CDH8: variants seen among roughly 807,000 people sequenced by gnomAD.
The protein encoded by CDH8 is cadherin-8.
A neutral mutation model predicts 68.1 loss-of-function variants in CDH8; 17 were observed. The ratio of observed to expected loss-of-function variants is 0.25; its 90% CI spans 0.17 to 0.37. The LOEUF (loss-of-function observed/expected upper bound fraction) is 0.37, where lower values mean the gene tolerates loss of function less well. CDH8 is among the 10% of genes least tolerant of loss of function. The probability of loss-of-function intolerance (pLI) is 1.00; values close to 1 mark genes in which losing one functional copy is unlikely to be tolerated. For missense variants in CDH8, 763 were observed against 999.3 expected (o/e 0.76, Z 3.19); for synonymous variants, 372 against 365.1 (o/e 1.02, Z -0.21).
At chr16:61,671,451 T>C (rs1042090413) in intron 10 of CDH8, among the ~76,000 whole-genome samples, 35 of 146,232 alleles carry the variant, frequency 2.4e-4, no homozygotes, top group African/African-American at 8.7e-4. Flanking sequence ...GGTTTAGTGG[T>C]AAAATAGCTG....
intron 3 of CDH8, among the ~76,000 whole-genome samples, chr16:61,876,662 C>T (rs1963466973): frequency 6.6e-6 from 1 of 152,072 alleles, no homozygotes; most frequent in Non-Finnish European, 1.5e-5. Flanking sequence ...CTATGAGATA[C>T]TGACTATACA....
chr16:61,852,897 T>TCCTTCCGTTCTTCCTTC (rs149266274), intron 4 of CDH8, among the ~76,000 whole-genome samples: 3 of 121,208 alleles, frequency 2.5e-5, no homozygotes, highest in African/African-American at 1.1e-4. Context: ...TTCCTTCCAT[T>TCCTTCCGTTCTTCCTTC]CTTCCTTCCT....
rs370922620 is a variant in CDH8, at chr16:61,960,406, CAT to C, written c.253-58935_253-58934del. On this transcript the variant is annotated intron_variant, in intron 2 of 11. Transcript: ENST00000577390. ...GTGTGTGTATACACATACATATATA[CAT>C]ATATGTGTGTGTGTATACACATACA... Among the ~76,000 whole-genome samples, 245 of 120,462 alleles carry C rather than the reference CAT, an allele frequency of 2.0e-3. 40 individuals are homozygous for C. The highest frequency in any genetic ancestry group is 5.9e-3 in the South Asian group (23 of 3,920). The allele number at this position is 120,462 out of a possible 152,430, so 79.0% of individuals were successfully genotyped here. A position where few individuals can be genotyped will look rare whatever the true frequency, so the allele number is the denominator to read the frequency against.
chr16:61,648,180 A>T lies in CDH8; in HGVS notation c.*5428T>A, dbSNP rs1963245335. On this transcript the variant is annotated 3_prime_UTR_variant, in exon 12 of 12. Transcript: ENST00000577390. ...GTTTCTCTCACATATTTGATGTGTA[A>T]TTTAACCCTGAAAATTCCTTATAAC... 2 of 214,436 alleles carry T rather than the reference A, an allele frequency of 9.3e-6. No homozygotes were observed. The highest frequency in any genetic ancestry group is 1.8e-5 in the Non-Finnish European group (2 of 109,142). The allele number at this position is 214,436 out of a possible 1,614,324, so 13.3% of individuals were successfully genotyped here. A position where few individuals can be genotyped will look rare whatever the true frequency, so the allele number is the denominator to read the frequency against.
At chr16:61,889,764 G>A in intron 3 of CDH8, among the ~76,000 whole-genome samples, 1 of 152,100 alleles carries the variant, frequency 6.6e-6, no homozygotes, top group Non-Finnish European at 1.5e-5. Context: ...TAAACAGGAA[G>A]ATTTGCCTTT....
chr16:62,016,905 G>C (rs1332079251), intron 2 of CDH8, among the ~76,000 whole-genome samples: 1 of 152,164 alleles, frequency 6.6e-6, no homozygotes, highest in Non-Finnish European at 1.5e-5. Flanking sequence ...TTGAAAGAGA[G>C]TTGCTTAAAC....
intron 9 of CDH8, among the ~76,000 whole-genome samples, chr16:61,714,861 C>T (rs944074255): frequency 1.3e-5 from 2 of 151,356 alleles, no homozygotes; most frequent in Non-Finnish European, 3.0e-5. Flanking sequence ...TATGATATTT[C>T]GAGGATATAA....
At chr16:61,726,933 A>C in intron 9 of CDH8, 161 bp downstream of exon 9, 1 of 727,910 alleles carries the variant, frequency 1.4e-6, no homozygotes, top group Non-Finnish European at 2.3e-6. Flanking sequence ...ATAACATCTG[A>C]TGGAGAAAAA....
At chr16:61,768,383 T>TCTCC (rs1960680483) in intron 8 of CDH8, among the ~76,000 whole-genome samples, 3 of 100,800 alleles carry the variant, frequency 3.0e-5, no homozygotes, top group African/African-American at 4.5e-5. Flanking sequence ...TCTCTCTCTC[T>TCTCC]CTCTCTCTCT....
intron 7 of CDH8, among the ~76,000 whole-genome samples, chr16:61,813,601 G>A (rs370440952): frequency 1.7e-3 from 266 of 152,312 alleles, no homozygotes; most frequent in South Asian, 6.8e-3. Context: ...CTGGTCTCCA[G>A]TTCCGTGTCC....
At chr16:61,903,109 T>C (rs1328178920) in intron 2 of CDH8, among the ~76,000 whole-genome samples, 2 of 152,210 alleles carry the variant, frequency 1.3e-5, no homozygotes, top group South Asian at 4.1e-4. Context: ...TGTATCATTT[T>C]TGTCCACAAA....
intron 3 of CDH8, among the ~76,000 whole-genome samples, chr16:61,863,721 C>T (rs745633461): frequency 6.6e-6 from 1 of 152,078 alleles, no homozygotes; most frequent in African/African-American, 2.4e-5. Context: ...AGGGGCAGAA[C>T]CTTTGCAATA....
intron 4 of CDH8, among the ~76,000 whole-genome samples, chr16:61,828,912 G>T (rs1962398215): frequency 6.6e-6 from 1 of 151,816 alleles, no homozygotes; most frequent in Non-Finnish European, 1.5e-5. Flanking sequence ...GTACACAGTA[G>T]TTACCCAAAC....
chr16:61,986,846 G>C (rs2150586407), intron 2 of CDH8, among the ~76,000 whole-genome samples: 1 of 152,214 alleles, frequency 6.6e-6, no homozygotes, highest in Non-Finnish European at 1.5e-5. Context: ...GAGGCATCAG[G>C]ATATGGCATA....
At chr16:61,699,207 G>T (rs1964378531) in intron 10 of CDH8, among the ~76,000 whole-genome samples, 1 of 152,064 alleles carries the variant, frequency 6.6e-6, no homozygotes, top group African/African-American at 2.4e-5. Context: ...AAAGGGTCCT[G>T]GTAAGAGAAG....
At chr16:61,707,751 C>A (rs1168644448) in intron 10 of CDH8, among the ~76,000 whole-genome samples, 1 of 151,884 alleles carries the variant, frequency 6.6e-6, no homozygotes, top group Non-Finnish European at 1.5e-5. Context: ...CATTTAATAT[C>A]TTTTTTCAAA....
intron 1 of CDH8, among the ~76,000 whole-genome samples, chr16:62,035,771 C>T (rs374407831): frequency 1.7e-3 from 257 of 152,292 alleles, no homozygotes; most frequent in African/African-American, 5.8e-3. Context: ...GCCAAGTCGC[C>T]GCAGGGAAGG....
rs761528877 is a variant in CDH8, at chr16:61,960,100, T to TAC, written c.253-58629_253-58628dup. Among the ~76,000 whole-genome samples the TAC allele has an allele frequency of 1.7e-5, 2 of 116,546 alleles. 1 individual carries two copies. The highest frequency in any genetic ancestry group is 7.9e-5 in the African/African-American group (2 of 25,242). The allele number at this position is 116,546 out of a possible 152,430, so 76.5% of individuals were successfully genotyped here. Reference sequence around the variant, plus strand: ...ATATATACATATATGTGTGTGTGTATACACATACATATATACATATGTGTG... The same window carrying TAC: ...ATATATACATATATGTGTGTGTGTATACACACATACATATATACATATGTGTG... On this transcript the variant is annotated intron_variant, in intron 2 of 11. Coordinates refer to ENST00000577390, the MANE Select transcript of CDH8 (RefSeq NM_001796.5).
chr16:61,963,164 T>C (rs1486686248), intron 2 of CDH8, among the ~76,000 whole-genome samples: 1 of 152,084 alleles, frequency 6.6e-6, no homozygotes, highest in Non-Finnish European at 1.5e-5. Context: ...AATTGAGTCT[T>C]CCCCAGAGTA....
Sources: gnomAD v4.1 joint callset for allele counts (sites outside exome capture counted in the v4.1 genomes callset) on GRCh38, gnomAD v4.1.1 for gene constraint, MANE v1.5 for transcripts, NCBI Gene and HGNC (gene_info 2026-07-23, HGNC 2026-07-21) for gene names.